Variants in MED22 observed in about 807,000 individuals in gnomAD.
The protein encoded by MED22 is mediator of RNA polymerase II transcription subunit 22.
In MED22, 22 loss-of-function variants were observed where a neutral mutation model predicts 22.7. The observed-to-expected ratio is 0.97, with a 90% confidence interval of 0.69 to 1.38. MED22 has a LOEUF of 1.38. Ranked by LOEUF, MED22 falls within the 40% of genes most tolerant of loss-of-function variation. MED22 has a pLI of 0.00. For missense variants in MED22, 247 were observed against 263.0 expected, an observed-to-expected ratio of 0.94 and a Z score of 0.42; for synonymous variants, 134 against 119.4, an observed-to-expected ratio of 1.12 and a Z score of -0.80.
At chr9:133,343,908 T>A in intron 4 of MED22, 1 of 1,428,358 alleles carries the variant, frequency 7.0e-7, no homozygotes, top group South Asian at 1.5e-5. Flanking sequence ...GTGGTTTTCA[T>A]CACATTGCAC....
In MED22 at chr9:133,338,901, C is replaced by T. The variant is rs2129941749; in HGVS notation, c.*2604G>A. 0.064 allele frequency: 32,278 copies of T among 506,726 alleles called. 2,183 individuals are homozygous for T. The highest frequency in any genetic ancestry group is 0.25 in the African/African-American group (13,032 of 51,200). The allele number at this position is 506,726 out of a possible 1,614,324, so 31.4% of individuals were successfully genotyped here. On this transcript the variant is annotated 3_prime_UTR_variant, in exon 5 of 5. Transcript: ENST00000343730. Reference sequence around the variant, plus strand: ...CCTGGTCCTGTTTTAGATTTTAAGACTCCAAAATAACAACCAAATGCAACA... The same window carrying T: ...CCTGGTCCTGTTTTAGATTTTAAGATTCCAAAATAACAACCAAATGCAACA...
rs2129948943 is a variant in MED22 at position 133,341,538 on chromosome 9, A to T, written c.570T>A (p.His190Gln). Reference protein sequence around the residue: ...PLQVAAPAHSHAGGPGPTEHA With the variant: ...PLQVAAPAHSQAGGPGPTEHA ...GCTCAGTGGGGCCAGGGCCACCAGC[A>T]TGGGAGTGGGCAGGGGCTGCCACCT... The change falls in exon 5 of 5, where the codon CAT (histidine) becomes CAA (glutamine). Residue 190 changes from histidine to glutamine, a missense_variant. By Grantham distance (24) the His-to-Gln change is conservative. Transcript: ENST00000343730. The T allele has an allele frequency of 1.3e-6, 2 of 1,539,412 alleles. No individual in the cohort carries two copies.
intron 4 of MED22, chr9:133,343,529 T>C (rs1836077059): frequency 1.6e-6 from 2 of 1,237,118 alleles, no homozygotes; most frequent in Non-Finnish European, 2.0e-6. Context: ...GGCACGTAGG[T>C]TGGCTCCAGC....
Position 133,338,614 on chromosome 9 carries a change from T to C in MED22, c.*2891A>G, listed in dbSNP as rs1485772446. 1 of 194,758 alleles carries C rather than the reference T, an allele frequency of 5.1e-6. No homozygotes were observed. The highest frequency in any genetic ancestry group is 1.1e-5 in the Non-Finnish European group (1 of 94,160). The allele number at this position is 194,758 out of a possible 1,614,324, so 12.1% of individuals were successfully genotyped here. A position where few individuals can be genotyped will look rare whatever the true frequency, so the allele number is the denominator to read the frequency against. On this transcript the variant is annotated 3_prime_UTR_variant, in exon 5 of 5. Transcript: ENST00000343730. ...AGCCACCGCGCCCGGCCAATTTCTATACTTTTTAGTAGAGACAGGGTTTCT... is the reference window on the plus strand; with the variant it reads ...AGCCACCGCGCCCGGCCAATTTCTACACTTTTTAGTAGAGACAGGGTTTCT...
chr9:133,339,237 C>G lies in MED22; in HGVS notation c.*2268G>C, dbSNP rs1167383025. 8.6e-6 allele frequency: 6 copies of G among 693,860 alleles called. No homozygotes were observed. The highest frequency in any genetic ancestry group is 1.6e-5 in the Non-Finnish European group (6 of 373,260). 43.0% of individuals were successfully genotyped at this position (693,860 alleles called of 1,614,324 possible). On this transcript the variant is annotated 3_prime_UTR_variant, in exon 5 of 5. Coordinates refer to ENST00000343730, the MANE Select transcript of MED22 (RefSeq NM_133640.5). ...GTTGTAAACAAGTAAGGGCAAGATT[C>G]TTGCCAAGAGAATGAATGTGCATAT... is the stretch of plus-strand genomic sequence containing the variant.
At chr9:133,346,203 C>A (rs978018690) in intron 2 of MED22, among the ~76,000 whole-genome samples, 2 of 152,174 alleles carry the variant, frequency 1.3e-5, no homozygotes, top group Non-Finnish European at 2.9e-5. Context: ...TGGAGGCCCC[C>A]CCCCACTTCT....
Position 133,339,037 on chromosome 9 carries a change from T to C in MED22, c.*2468A>G, listed in dbSNP as rs1410967146. 4 of 805,054 alleles carry C rather than the reference T, an allele frequency of 5.0e-6. No homozygotes were observed. Among genetic ancestry groups the C allele is most frequent in the African/African-American group, 1.7e-5 (1 of 59,146 alleles). The allele number at this position is 805,054 out of a possible 1,614,324, so 49.9% of individuals were successfully genotyped here. A position where few individuals can be genotyped will look rare whatever the true frequency, so the allele number is the denominator to read the frequency against. ...GGAGAGGCACCCAATATATGTTCTC[T>C]AGGCCTTTCAGAAAACATGCAGTTG... is the stretch of plus-strand genomic sequence containing the variant. On this transcript the variant is annotated 3_prime_UTR_variant, in exon 5 of 5. Transcript: ENST00000343730.
rs2129961514 is a variant in MED22 at position 133,344,330 on chromosome 9, G to A, written c.208C>T (p.Arg70Ter). 8.7e-6 allele frequency: 14 copies of A among 1,613,948 alleles called. No individual in the cohort carries two copies. Among genetic ancestry groups the A allele is most frequent in the African/African-American group, 5.3e-5 (4 of 75,040 alleles). ...AGCTTCATCAGGGACTCGCCGGCTC[G>A]GACCTGTGGCCATCAGAACCAGGGC... Reference protein sequence around the residue: ...EMHVRAANIVRAGESLMKLVS... With the variant: ...EMHVRAANIV Residue 70 changes from arginine to a stop codon, truncating the protein, a stop_gained, in exon 4 of 5, where the codon CGA (arginine) becomes TGA (stop). Transcript: ENST00000343730. LOFTEE classifies it high-confidence loss of function.
rs1217827745 is a variant in MED22, at chr9:133,339,989, A to G, written c.*1516T>C. On this transcript the variant is annotated 3_prime_UTR_variant, in exon 5 of 5. Transcript: ENST00000343730. ...GAAAATGAAGCTGATGGCAGGTCTT[A>G]TCGCTCAGGATTTTAGGAACAGGGT... 1 of 152,672 alleles carries G rather than the reference A, an allele frequency of 6.5e-6. No individual in the cohort carries two copies. Among genetic ancestry groups the G allele is most frequent in the East Asian group, 1.9e-4 (1 of 5,214 alleles). 9.5% of individuals were successfully genotyped at this position (152,672 alleles called of 1,614,324 possible).
At position 133,345,227 on chromosome 9, in the gene MED22, C is replaced by CGT; in HGVS notation, c.147_148dup (p.Arg50HisfsTer27). ...ATTGTCCTGTTCACCCTGAGTGGCCCGTGACACCTGCGTCTCGTCCTCAAT... is the reference window on the plus strand; with the variant it reads ...ATTGTCCTGTTCACCCTGAGTGGCCCGTGTGACACCTGCGTCTCGTCCTCAAT... On this transcript the variant is annotated frameshift_variant, in exon 3 of 5. Coordinates refer to ENST00000343730, the MANE Select transcript of MED22 (RefSeq NM_133640.5). LOFTEE classifies it high-confidence loss of function. The CGT allele has an allele frequency of 6.2e-7, 1 of 1,613,952 alleles. No homozygotes were observed. The highest frequency in any genetic ancestry group is 8.5e-7 in the Non-Finnish European group (1 of 1,179,986).
chr9:133,339,845 C>A lies in MED22; in HGVS notation c.*1660G>T. On this transcript the variant is annotated 3_prime_UTR_variant, in exon 5 of 5. Coordinates refer to ENST00000343730, the MANE Select transcript of MED22 (RefSeq NM_133640.5). Reference sequence around the variant, plus strand: ...TGCAAATGGTTATCAGCTGCTTCCCCGTGGAGCTCTGCTGCCAAGGCCATG... The same window carrying A: ...TGCAAATGGTTATCAGCTGCTTCCCAGTGGAGCTCTGCTGCCAAGGCCATG... 1 of 155,288 alleles carries A rather than the reference C, an allele frequency of 6.4e-6. No individual in the cohort carries two copies. The highest frequency in any genetic ancestry group is 1.4e-5 in the Non-Finnish European group (1 of 70,020). The allele number at this position is 155,288 out of a possible 1,614,324, so 9.6% of individuals were successfully genotyped here. A position where few individuals can be genotyped will look rare whatever the true frequency, so the allele number is the denominator to read the frequency against.
In MED22 at chr9:133,338,734, G is replaced by A. The variant is rs2129941433; in HGVS notation, c.*2771C>T. ...TGGGGTTGCAGGCGTAAGCCACCGC[G>A]CCCGGCCGATTTCTATACTTTTTAG... On this transcript the variant is annotated 3_prime_UTR_variant, in exon 5 of 5. Coordinates refer to ENST00000343730, the MANE Select transcript of MED22 (RefSeq NM_133640.5). 6.5e-6 allele frequency: 2 copies of A among 309,564 alleles called. No homozygotes were observed. The highest frequency in any genetic ancestry group is 2.9e-5 in the South Asian group (1 of 34,364). The allele number at this position is 309,564 out of a possible 1,614,324, so 19.2% of individuals were successfully genotyped here.
chr9:133,342,878 A>AAGGC, intron 4 of MED22: 1 of 985,530 alleles, frequency 1.0e-6, no homozygotes, highest in East Asian at 1.1e-4. Flanking sequence ...GCCCCAAGGC[A>AAGGC]AGGCAGGCAG....
chr9:133,347,979 G>T lies in MED22; in HGVS notation c.-96C>A. 7.6e-6 allele frequency: 4 copies of T among 525,316 alleles called. No homozygotes were observed. Among genetic ancestry groups the T allele is most frequent in the African/African-American group, 2.0e-5 (1 of 50,704 alleles). 32.5% of individuals were successfully genotyped at this position (525,316 alleles called of 1,614,324 possible). A position where few individuals can be genotyped will look rare whatever the true frequency, so the allele number is the denominator to read the frequency against. Reference sequence around the variant, plus strand: ...CCGCCGGGTCGGCCTAGGGCGGGGTGGTCAAGTGCCTCTGCGACCCGCACT... The same window carrying T: ...CCGCCGGGTCGGCCTAGGGCGGGGTTGTCAAGTGCCTCTGCGACCCGCACT... On this transcript the variant is annotated 5_prime_UTR_variant, in exon 1 of 5. Transcript: ENST00000343730.
intron 1 of MED22, among the ~76,000 whole-genome samples, chr9:133,346,938 C>G (rs1467234949): frequency 6.6e-6 from 1 of 152,206 alleles, no homozygotes; most frequent in Admixed American, 6.5e-5. Context: ...CAAGCCCTGT[C>G]CAGGGCTCCA....
chr9:133,343,299 C>T (rs949869330), intron 4 of MED22: 31 of 1,227,900 alleles, frequency 2.5e-5, no homozygotes, highest in Non-Finnish European at 3.0e-5. Flanking sequence ...GACTCTGCAT[C>T]TGCTGGACTG....
At chr9:133,343,470 G>C in intron 4 of MED22, 9 of 1,230,828 alleles carry the variant, frequency 7.3e-6, no homozygotes, top group Non-Finnish European at 9.1e-6. Context: ...CAAGGGTCAG[G>C]ATGATGGGTT....
At chr9:133,342,751 A>G (rs2129954809) in intron 4 of MED22, 2 of 985,906 alleles carry the variant, frequency 2.0e-6, no homozygotes, top group Non-Finnish European at 2.4e-6. Context: ...CTGGCCTGGA[A>G]GCCCCGCTGG....
Position 133,348,055 on chromosome 9 carries a change from C to T in MED22, c.-172G>A. 1.3e-6 allele frequency: 1 copy of T among 779,482 alleles called. No homozygotes were observed. Among genetic ancestry groups the T allele is most frequent in the African/African-American group, 1.7e-5 (1 of 57,968 alleles). 48.3% of individuals were successfully genotyped at this position (779,482 alleles called of 1,614,324 possible). A position where few individuals can be genotyped will look rare whatever the true frequency, so the allele number is the denominator to read the frequency against. On this transcript the variant is annotated 5_prime_UTR_variant, in exon 1 of 5. Coordinates refer to ENST00000343730, the MANE Select transcript of MED22 (RefSeq NM_133640.5). Reference sequence around the variant, plus strand: ...CCCTCCCGCCGCAGTCTCTCTTCCCCGCCGCGCCGCGGTCCGAAAACCTAG... The same window carrying T: ...CCCTCCCGCCGCAGTCTCTCTTCCCTGCCGCGCCGCGGTCCGAAAACCTAG...
Sources: gnomAD v4.1 joint callset for allele counts (sites outside exome capture counted in the v4.1 genomes callset) on GRCh38, gnomAD v4.1.1 for gene constraint, MANE v1.5 for transcripts, NCBI Gene and HGNC (gene_info 2026-07-23, HGNC 2026-07-21) for gene names.